The following DDHD1 variants were observed in gnomAD, a reference collection of about 807,000 sequenced individuals.
DDHD1 encodes the protein DDHD domain containing 1.
A neutral mutation model predicts 96.4 loss-of-function variants in DDHD1; 49 were observed. That is an observed-to-expected ratio of 0.51 (90% confidence interval 0.40 to 0.64). DDHD1 has a LOEUF of 0.64. Ranked by LOEUF, DDHD1 falls within the 30% of genes least tolerant of loss-of-function variation. The pLI is 0.00. For missense variants in DDHD1, 1,106 were observed against 1,161.2 expected (o/e 0.95, Z 0.69); for synonymous variants, 442 against 446.5 (o/e 0.99, Z 0.13).
intron 1 of DDHD1, among the ~76,000 whole-genome samples, chr14:53,133,885 C>T (rs1566597269): frequency 6.6e-6 from 1 of 152,128 alleles, no homozygotes; most frequent in East Asian, 1.9e-4. Context: ...CCTCGATGGA[C>T]CAGACCCTAC....
chr14:53,078,092 C>A (rs1885130869), intron 4 of DDHD1, among the ~76,000 whole-genome samples: 1 of 152,076 alleles, frequency 6.6e-6, no homozygotes, highest in Non-Finnish European at 1.5e-5. Flanking sequence ...TATGAACATT[C>A]TTTTAACAAG....
At chr14:53,116,739 T>C (rs2139778686) in intron 1 of DDHD1, among the ~76,000 whole-genome samples, 1 of 152,290 alleles carries the variant, frequency 6.6e-6, no homozygotes, top group South Asian at 2.1e-4. Context: ...AAGATGGAAA[T>C]TTATAGCACT....
intron 2 of DDHD1, among the ~76,000 whole-genome samples, chr14:53,098,255 T>G (rs1234255005): frequency 2.6e-5 from 4 of 152,018 alleles, no homozygotes; most frequent in African/African-American, 9.7e-5. Context: ...GTGCTAACAT[T>G]TAATAAAAAT....
At chr14:53,133,091 C>G (rs887587157) in intron 1 of DDHD1, among the ~76,000 whole-genome samples, 16 of 152,224 alleles carry the variant, frequency 1.1e-4, no homozygotes, top group Non-Finnish European at 1.9e-4. Context: ...TAGAACCTCT[C>G]ATTTCCTTTC....
intron 1 of DDHD1, among the ~76,000 whole-genome samples, chr14:53,123,115 G>GTTGTTATTA (rs1212862445): frequency 2.2e-4 from 30 of 138,454 alleles, no homozygotes; most frequent in African/African-American, 7.5e-4. Flanking sequence ...GATAATTGCT[G>GTTGTTATTA]TTATTATTAT....
In DDHD1 at chr14:53,073,856, A is replaced by G. The variant is rs1555333212; in HGVS notation, c.1290-9T>C. ...TTGCAGCTTCTCTCATCCTAAAAAAACAAACAAACAAAAATGCAAACAAAG... is the reference window on the plus strand; with the variant it reads ...TTGCAGCTTCTCTCATCCTAAAAAAGCAAACAAACAAAAATGCAAACAAAG... On this transcript the variant is annotated splice_polypyrimidine_tract_variant and intron_variant, in intron 4 of 12. Coordinates refer to ENST00000673822, the MANE Select transcript of DDHD1 (RefSeq NM_001160148.2). 4.4e-6 allele frequency: 7 copies of G among 1,602,644 alleles called. No individual in the cohort carries two copies. Among genetic ancestry groups the G allele is most frequent in the Non-Finnish European group, 5.1e-6 (6 of 1,173,706 alleles).
intron 1 of DDHD1, 143 bp downstream of exon 1, chr14:53,152,118 C>CAGGATGG: frequency 7.3e-6 from 6 of 827,378 alleles, no homozygotes; most frequent in Admixed American, 3.6e-5. Flanking sequence ...CCGACGCTCC[C>CAGGATGG]TGCTCAATCT....
chr14:53,111,719 A>C (rs1210313527), intron 1 of DDHD1, among the ~76,000 whole-genome samples: 2 of 152,254 alleles, frequency 1.3e-5, no homozygotes, highest in Admixed American at 6.5e-5. Flanking sequence ...TTGAATTAAA[A>C]TCCATTTTAC....
intron 1 of DDHD1, among the ~76,000 whole-genome samples, chr14:53,140,587 A>G (rs562208316): frequency 6.6e-6 from 1 of 152,150 alleles, no homozygotes; most frequent in South Asian, 2.1e-4. Flanking sequence ...ACAAATACGA[A>G]AAAGTATCCC....
rs1881695763 is a variant in DDHD1 at position 53,042,040 on chromosome 14, G to T, written c.*4728C>A. ...TCTGACTGTCATTCATTGGCCATGT[G>T]ATTGTATAGGGTGGAATCGGTCACT... is the stretch of plus-strand genomic sequence containing the variant. On this transcript the variant is annotated 3_prime_UTR_variant, in exon 13 of 13. Coordinates refer to ENST00000673822, the MANE Select transcript of DDHD1 (RefSeq NM_001160148.2). The T allele has an allele frequency of 6.6e-6, 1 of 152,220 alleles. No homozygotes were observed. Among genetic ancestry groups the T allele is most frequent in the Non-Finnish European group, 1.5e-5 (1 of 68,054 alleles). 9.4% of individuals were successfully genotyped at this position (152,220 alleles called of 1,614,324 possible).
chr14:53,051,081 T>A (rs938321541), intron 12 of DDHD1, among the ~76,000 whole-genome samples: 21 of 150,280 alleles, frequency 1.4e-4, no homozygotes, highest in Non-Finnish European at 2.5e-4. Context: ...CTTGAAAAAA[T>A]TTATGAAAAT....
Position 53,089,312 on chromosome 14 carries a change from T to C in DDHD1, c.1289+2473A>G, listed in dbSNP as rs141830421. On this transcript the variant is annotated intron_variant, in intron 4 of 12. Transcript: ENST00000673822. ...CTTTCTTCACAGAATTGGAAAAAAC[T>C]ACTCTAAAGTTCATATGGAACCAAA... is the stretch of plus-strand genomic sequence containing the variant. 5.8e-4 allele frequency among the ~76,000 whole-genome samples: 88 copies of C among 152,272 alleles called. 4 individuals are homozygous for C. In the East Asian group the frequency reaches 0.017, roughly 29 times the overall value.
intron 1 of DDHD1, among the ~76,000 whole-genome samples, chr14:53,134,263 T>G (rs1890071087): frequency 6.6e-6 from 1 of 152,064 alleles, no homozygotes; most frequent in Admixed American, 6.6e-5. Context: ...CATTGCTGGT[T>G]TACACTTTTC....
Position 53,142,484 on chromosome 14 carries a change from A to G in DDHD1, c.838+9777T>C, listed in dbSNP as rs1050865810. 2.4e-4 allele frequency among the ~76,000 whole-genome samples: 37 copies of G among 152,052 alleles called. 1 individual carries two copies. Among genetic ancestry groups the G allele is most frequent in the Admixed American group, 1.7e-3 (26 of 15,286 alleles). Reference sequence around the variant, plus strand: ...GCAAAAAAAAAAAAAAAACAGGAACATTACTGGCTTTGCCTTAACTGAAAA... The same window carrying G: ...GCAAAAAAAAAAAAAAAACAGGAACGTTACTGGCTTTGCCTTAACTGAAAA... On this transcript the variant is annotated intron_variant, in intron 1 of 12. Transcript: ENST00000673822.
At chr14:53,064,628 CA>C (rs965455383) in intron 6 of DDHD1, among the ~76,000 whole-genome samples, 2 of 152,114 alleles carry the variant, frequency 1.3e-5, no homozygotes, top group Admixed American at 6.5e-5. Context: ...TGGAATGAGG[CA>C]TAGCATGGAC....
chr14:53,076,662 G>C (rs1034270785), intron 4 of DDHD1, among the ~76,000 whole-genome samples: 2 of 152,128 alleles, frequency 1.3e-5, no homozygotes, highest in African/African-American at 2.4e-5. Context: ...TTTCGTGAGA[G>C]GAAGAATCAA....
chr14:53,149,680 T>C (rs1025242792), intron 1 of DDHD1: 20 of 152,190 alleles, frequency 1.3e-4, no homozygotes, highest in Non-Finnish European at 2.6e-4. Context: ...AATGCTAAAA[T>C]ATAGATAAAA....
At position 53,152,474 on chromosome 14, in the gene DDHD1, C is replaced by T. The variant is rs1566614880; in HGVS notation, c.625G>A (p.Asp209Asn). 2 of 1,612,876 alleles carry T rather than the reference C, an allele frequency of 1.2e-6. No individual in the cohort carries two copies. Among genetic ancestry groups the T allele is most frequent in the East Asian group, 2.2e-5 (1 of 44,856 alleles). Residue 209 changes from aspartate to asparagine, a missense_variant, in exon 1 of 13, where the codon GAC becomes AAC. By Grantham distance (23) the Asp-to-Asn change is conservative. Coordinates refer to ENST00000673822, the MANE Select transcript of DDHD1 (RefSeq NM_001160148.2). ...GAGCACACATGGTCGCCGTCCCGGTCCCCGCCCTGGGGCCGGGCACCCGTG... is the reference window on the plus strand; with the variant it reads ...GAGCACACATGGTCGCCGTCCCGGTTCCCGCCCTGGGGCCGGGCACCCGTG... ...QTTGARPQGG[D>N]RDGDHVCSPT...
chr14:53,082,758 C>CAA (rs11368593), intron 4 of DDHD1, among the ~76,000 whole-genome samples: 3,829 of 98,790 alleles, frequency 0.039, 182 homozygotes, highest in African/African-American at 0.12. Context: ...GACTCTATCT[C>CAA]AAAAAAAAAA....
Sources: gnomAD v4.1 joint callset for allele counts (sites outside exome capture counted in the v4.1 genomes callset) on GRCh38, gnomAD v4.1.1 for gene constraint, MANE v1.5 for transcripts, NCBI Gene and HGNC (gene_info 2026-07-23, HGNC 2026-07-21) for gene names.